The following ATAD5 variants were observed in gnomAD, a reference collection of about 807,000 sequenced individuals.
The protein encoded by ATAD5 is ATPase family AAA domain containing 5.
A neutral mutation model predicts 176.9 loss-of-function variants in ATAD5; 58 were observed. The observed-to-expected ratio is 0.33, with a 90% CI of 0.27 to 0.41. The LOEUF is 0.41. ATAD5 is among the 10% of genes least tolerant of loss of function. The pLI is 1.00. For missense variants in ATAD5, 1,789 were observed against 2,094.1 expected (o/e 0.85, Z 2.84); for synonymous variants, 640 against 712.6 (o/e 0.90, Z 1.62).
At chr17:30,891,348 G>A (rs892545111) in intron 19 of ATAD5, among the ~76,000 whole-genome samples, 35 of 152,170 alleles carry the variant, frequency 2.3e-4, no homozygotes, top group African/African-American at 8.4e-4. Context: ...TGGTGAAATT[G>A]CATATCTTTT....
intron 19 of ATAD5, among the ~76,000 whole-genome samples, chr17:30,889,166 CT>C (rs34948000): frequency 0.055 from 7,445 of 134,302 alleles, 361 homozygotes; most frequent in African/African-American, 0.16. Context: ...TCTTTTCTTT[CT>C]TTTTTTTTTT....
intron 16 of ATAD5, 113 bp downstream of exon 16, chr17:30,877,662 G>A (rs914705054): frequency 1.4e-5 from 16 of 1,107,930 alleles, no homozygotes; most frequent in African/African-American, 4.8e-5. Context: ...TCAGGAATAC[G>A]TGTATCTATT....
At chr17:30,888,634 T>C (rs1026243534) in intron 19 of ATAD5, among the ~76,000 whole-genome samples, 2 of 152,156 alleles carry the variant, frequency 1.3e-5, no homozygotes, top group African/African-American at 4.8e-5. Context: ...CTCTTTACAA[T>C]TAATATATAA....
chr17:30,888,396 T>A (rs1909432952), intron 19 of ATAD5, among the ~76,000 whole-genome samples: 1 of 151,228 alleles, frequency 6.6e-6, no homozygotes, highest in Admixed American at 6.6e-5. Flanking sequence ...TACAAAAAAT[T>A]GGCTGGGCAT....
intron 9 of ATAD5, among the ~76,000 whole-genome samples, chr17:30,859,362 A>G (rs1013982214): frequency 8.6e-5 from 13 of 151,542 alleles, no homozygotes; most frequent in African/African-American, 3.2e-4. Flanking sequence ...ATTTTATTTT[A>G]TTTTATTTAT....
In ATAD5 at chr17:30,834,757, C is replaced by A; in HGVS notation, c.676C>A (p.Leu226Ile). ...LSESLPLAEE[L>I]NLLKKDGKDT... The stretch of plus-strand genomic sequence containing the variant: ...TGAAAGCTTACCCTTGGCAGAGGAA[C>A]TAAATTTGCTTAAAAAAGATGGTAA... Residue 226 changes from leucine to isoleucine, a missense_variant, in exon 2 of 23, where the codon CTA becomes ATA. Around this residue, in one of 6 missense-constraint regions of ATAD5, gnomAD observed 696 missense variants for 712.5 expected, o/e 0.98. Transcript: ENST00000321990. The A allele has an allele frequency of 1.2e-6, 2 of 1,613,926 alleles. No individual in the cohort carries two copies. The highest frequency in any genetic ancestry group is 3.3e-5 in the Admixed American group (2 of 60,000).
chr17:30,868,507 TA>T (rs775194035), intron 12 of ATAD5, 95 bp downstream of exon 12: 6 of 788,008 alleles, frequency 7.6e-6, no homozygotes, highest in Non-Finnish European at 3.4e-6. Context: ...CTTTTTTTTT[TA>T]ATTTTTTTTT....
At chr17:30,845,876 G>T (rs1321099214) in intron 6 of ATAD5, among the ~76,000 whole-genome samples, 1 of 152,126 alleles carries the variant, frequency 6.6e-6, no homozygotes, top group African/African-American at 2.4e-5. Context: ...GAGATTTGTG[G>T]GAGTGAGAGT....
At chr17:30,848,633 A>T (rs1906677653) in intron 6 of ATAD5, among the ~76,000 whole-genome samples, 1 of 152,140 alleles carries the variant, frequency 6.6e-6, no homozygotes, top group Non-Finnish European at 1.5e-5. Context: ...CATAATCAAG[A>T]TACCAAGTTA....
chr17:30,863,822 G>T (rs1907811564), intron 10 of ATAD5: 1 of 151,906 alleles, frequency 6.6e-6, no homozygotes, highest in Non-Finnish European at 1.5e-5. Context: ...GTGCCACCAC[G>T]CCTGGCTAAT....
At position 30,893,366 on chromosome 17, in the gene ATAD5, G is replaced by C. The variant is rs932703459; in HGVS notation, c.4513G>C (p.Asp1505His). 11 of 1,598,576 alleles carry C rather than the reference G, an allele frequency of 6.9e-6. No homozygotes were observed. The highest frequency in any genetic ancestry group is 8.5e-6 in the Non-Finnish European group (10 of 1,174,924). The change falls in exon 21 of 23, where the codon GAT (aspartate) becomes CAT (histidine). Residue 1505 changes from aspartate to histidine, a missense_variant. By Grantham distance (81) the Asp-to-His change is moderately conservative. Around this residue, in one of 6 missense-constraint regions of ATAD5, gnomAD observed 403 missense variants for 495.1 expected, o/e 0.81. Transcript: ENST00000321990. ...TACAGAATTCCAAATGCGGAATGTA[G>C]ATTTTTTATATAGTAATCTTGAGTT... ...LLTEFQMRNV[D>H]FLYSNLEFIL...
At chr17:30,891,987 G>A (rs982204436) in intron 19 of ATAD5, among the ~76,000 whole-genome samples, 10 of 151,920 alleles carry the variant, frequency 6.6e-5, no homozygotes, top group Admixed American at 2.6e-4. Flanking sequence ...GATTACAGGC[G>A]TGAGCCACCT....
At chr17:30,885,904 TGGCC>T (rs1909299522) in intron 18 of ATAD5, among the ~76,000 whole-genome samples, 5 of 152,082 alleles carry the variant, frequency 3.3e-5, no homozygotes, top group Non-Finnish European at 7.4e-5. Flanking sequence ...GCGTGAGCCT[TGGCC>T]CCCAGGCTAT....
chr17:30,854,122 G>A (rs115550544), intron 6 of ATAD5, among the ~76,000 whole-genome samples: 3,998 of 147,356 alleles, frequency 0.027, 195 homozygotes, highest in African/African-American at 0.094. Context: ...TAATATTTTA[G>A]GTAATTTTAT....
chr17:30,834,244 G>C lies in ATAD5; in HGVS notation c.163G>C (p.Ala55Pro), dbSNP rs768488803. ...AGGGAAGACTAGAGACAGGGTTTTT[G>C]CTCCACCAAAACCTAGTAATATTCT... is the stretch of plus-strand genomic sequence containing the variant. Reference protein sequence around the residue: ...PLGKTRDRVFAPPKPSNILDY... With the variant: ...PLGKTRDRVFPPPKPSNILDY... Residue 55 changes from alanine (A) to proline (P), a missense_variant, in exon 2 of 23, where the codon GCT becomes CCT. By Grantham distance (27) the Ala-to-Pro change is conservative. Around this residue, in one of 6 missense-constraint regions of ATAD5, gnomAD observed 696 missense variants for 712.5 expected, o/e 0.98. Transcript: ENST00000321990. The C allele has an allele frequency of 1.2e-6, 2 of 1,612,604 alleles. No homozygotes were observed. The highest frequency in any genetic ancestry group is 1.7e-6 in the Non-Finnish European group (2 of 1,179,542).
chr17:30,866,885 G>T (rs1364484236), intron 11 of ATAD5, among the ~76,000 whole-genome samples: 1 of 151,996 alleles, frequency 6.6e-6, no homozygotes, highest in Non-Finnish European at 1.5e-5. Context: ...CCCATTAGGG[G>T]TATTATGTAA....
chr17:30,832,496 T>A, intron 1 of ATAD5, 83 bp downstream of exon 1: 1 of 1,354,004 alleles, frequency 7.4e-7, no homozygotes. Context: ...AAGGTGATCC[T>A]GACTTTGTAA....
rs1906300383 is a variant in ATAD5, at chr17:30,843,924, A to T, written c.2253A>T (p.Ile751=). 2 of 1,400,732 alleles carry T rather than the reference A, an allele frequency of 1.4e-6. No homozygotes were observed. The highest frequency in any genetic ancestry group is 2.4e-5 in the Admixed American group (1 of 41,582). 86.8% of individuals were successfully genotyped at this position (1,400,732 alleles called of 1,614,324 possible). Residue 751 remains isoleucine (I), a synonymous_variant, in exon 5 of 23, where the codon ATA becomes ATT. Transcript: ENST00000321990. ...TTATTTTGTCTTAGGATTCTGTTAT[A>T]ATAATAGATTCAAGTCCTACTGCTT... ...KKLSETEDSV[I]IIDSSPTALK... is the part of the protein sequence containing the mutation.
At chr17:30,868,441 TACC>T in intron 12 of ATAD5, 29 bp downstream of exon 12, 3 of 1,307,376 alleles carry the variant, frequency 2.3e-6, no homozygotes, top group Non-Finnish European at 3.1e-6. Context: ...TTTTTTTTTT[TACC>T]ATTTCACTGA....
Sources: gnomAD v4.1 joint callset for allele counts (sites outside exome capture counted in the v4.1 genomes callset) on GRCh38, gnomAD v4.1.1 for gene constraint, gnomAD v4.1.1 regional missense constraint, MANE v1.5 for transcripts, NCBI Gene and HGNC (gene_info 2026-07-23, HGNC 2026-07-21) for gene names.